The following SLCO1A2 variants were observed in gnomAD, a reference collection of about 807,000 sequenced individuals.
SLCO1A2 encodes the protein OATP-1.
In SLCO1A2, 67 loss-of-function variants were observed where a neutral mutation model predicts 69.0. The ratio of observed to expected loss-of-function variants is 0.97; its 90% confidence interval spans 0.80 to 1.19. SLCO1A2 has a LOEUF of 1.19. Ranked by LOEUF, SLCO1A2 falls within the 50% of genes most tolerant of loss-of-function variation. SLCO1A2 has a pLI of 0.00. For missense variants in SLCO1A2, 787 were observed against 793.7 expected (o/e 0.99, Z 0.10); for synonymous variants, 260 against 265.9 (o/e 0.98, Z 0.22).
rs1041871091 is a variant in SLCO1A2, at chr12:21,267,639, G to A, written c.*1909C>T. The A allele has an allele frequency of 6.6e-6, 1 of 151,924 alleles. No individual in the cohort carries two copies. Among genetic ancestry groups the A allele is most frequent in the African/African-American group, 2.4e-5 (1 of 41,352 alleles). The allele number at this position is 151,924 out of a possible 1,614,324, so 9.4% of individuals were successfully genotyped here. On this transcript the variant is annotated 3_prime_UTR_variant, in exon 15 of 15. Coordinates refer to ENST00000683939, the MANE Select transcript of SLCO1A2 (RefSeq NM_001386879.1). ...TCTAACTTCCATATATATCCTATTT[G>A]CTTCTTTTTAGCTCAGATTCCAGTT...
chr12:21,316,499 G>C (rs543286351), intron 3 of SLCO1A2, among the ~76,000 whole-genome samples: 1 of 150,758 alleles, frequency 6.6e-6, no homozygotes, highest in East Asian at 1.9e-4. Flanking sequence ...CCAGGGAATA[G>C]TTCTTCATCC....
intron 5 of SLCO1A2, 132 bp from the exon 6 acceptor site, chr12:21,304,705 C>G: frequency 3.6e-6 from 3 of 843,624 alleles, no homozygotes; most frequent in Non-Finnish European, 5.4e-6. Context: ...TATTACTATT[C>G]CAGCAGTGAC....
chr12:21,373,781 A>T, intron 2 of SLCO1A2: 1 of 672,520 alleles, frequency 1.5e-6, no homozygotes, highest in East Asian at 2.7e-5. Flanking sequence ...AACCAGAGAA[A>T]CTTAACTAAA....
At chr12:21,417,085 A>G (rs1942001096) in intron 1 of SLCO1A2, among the ~76,000 whole-genome samples, 1 of 152,142 alleles carries the variant, frequency 6.6e-6, no homozygotes, top group Admixed American at 6.5e-5. Context: ...TACTCAATGT[A>G]TTCTTTTTCA....
At chr12:21,376,267 T>C (rs1940185073) in intron 1 of SLCO1A2, 1 of 279,024 alleles carries the variant, frequency 3.6e-6, no homozygotes, top group Middle Eastern at 4.2e-4. Flanking sequence ...GGAACAGATA[T>C]TACCTTTGAA....
At chr12:21,381,001 C>A (rs1940553271) in intron 1 of SLCO1A2, among the ~76,000 whole-genome samples, 1 of 151,922 alleles carries the variant, frequency 6.6e-6, no homozygotes, top group East Asian at 1.9e-4. Flanking sequence ...AAGGTAGACT[C>A]CCAATAGGTA....
chr12:21,295,896 A>T, intron 9 of SLCO1A2, 104 bp from the exon 10 acceptor site: 1 of 629,956 alleles, frequency 1.6e-6, no homozygotes, highest in Admixed American at 3.3e-5. Context: ...ATTTAGGTCC[A>T]ACTCATAGTG....
At chr12:21,322,005 T>C (rs975063674) in intron 2 of SLCO1A2, among the ~76,000 whole-genome samples, 3 of 152,182 alleles carry the variant, frequency 2.0e-5, no homozygotes, top group African/African-American at 4.8e-5. Flanking sequence ...GCCTGACAAA[T>C]AGCAGGCACC....
At chr12:21,323,015 G>A (rs1381519135) in intron 2 of SLCO1A2, among the ~76,000 whole-genome samples, 1 of 152,112 alleles carries the variant, frequency 6.6e-6, no homozygotes, top group Non-Finnish European at 1.5e-5. Flanking sequence ...TATGGCCAAG[G>A]TACTTAGAGT....
At chr12:21,374,189 A>C (rs192566379) in intron 2 of SLCO1A2, among the ~76,000 whole-genome samples, 24 of 152,332 alleles carry the variant, frequency 1.6e-4, no homozygotes, top group Admixed American at 1.4e-3. Context: ...ACATCTAACA[A>C]CTATGTCACG....
intron 2 of SLCO1A2, among the ~76,000 whole-genome samples, chr12:21,367,744 A>T (rs190140036): frequency 2.9e-4 from 44 of 152,218 alleles, no homozygotes; most frequent in Admixed American, 6.5e-4. Flanking sequence ...AAGTACCGAG[A>T]CTACAAGACA....
At chr12:21,392,510 A>C (rs1941211852) in intron 1 of SLCO1A2, among the ~76,000 whole-genome samples, 1 of 152,234 alleles carries the variant, frequency 6.6e-6, no homozygotes, top group South Asian at 2.1e-4. Context: ...AGTCATGCTC[A>C]CTAGGCTTTA....
intron 8 of SLCO1A2, among the ~76,000 whole-genome samples, chr12:21,300,086 G>A (rs1948512992): frequency 6.8e-6 from 1 of 146,982 alleles, no homozygotes; most frequent in South Asian, 2.1e-4. Flanking sequence ...ATATATGAAA[G>A]AGAGAGAGAG....
intron 12 of SLCO1A2, among the ~76,000 whole-genome samples, chr12:21,281,926 T>C (rs555853105): frequency 6.6e-5 from 10 of 152,122 alleles, no homozygotes; most frequent in African/African-American, 1.4e-4. Context: ...AGTAATGAGA[T>C]TGAAGCTGTA....
intron 8 of SLCO1A2, among the ~76,000 whole-genome samples, chr12:21,298,764 T>C (rs1221897646): frequency 1.3e-5 from 2 of 152,122 alleles, no homozygotes; most frequent in Non-Finnish European, 2.9e-5. Flanking sequence ...ATGGAACTGA[T>C]CTTGCAGACT....
chr12:21,280,859 A>G (rs2136172241), intron 12 of SLCO1A2, among the ~76,000 whole-genome samples: 1 of 152,240 alleles, frequency 6.6e-6, no homozygotes, highest in South Asian at 2.1e-4. Flanking sequence ...CAAGTCTTAA[A>G]ACATCCAAAA....
At chr12:21,304,384 C>T (rs1949092667) in intron 6 of SLCO1A2, 43 bp downstream of exon 6, 1 of 1,478,720 alleles carries the variant, frequency 6.8e-7, no homozygotes, top group Non-Finnish European at 9.4e-7. Context: ...CCTCAAGGAA[C>T]ATATTGCCCT....
intron 12 of SLCO1A2, among the ~76,000 whole-genome samples, chr12:21,290,030 CGTGT>C (rs199940208): frequency 1.3e-5 from 2 of 151,020 alleles, no homozygotes; most frequent in African/African-American, 4.9e-5. Flanking sequence ...TGTATGTATG[CGTGT>C]GTGTATGTAT....
chr12:21,386,594 C>G (rs937750243), intron 1 of SLCO1A2, among the ~76,000 whole-genome samples: 1 of 152,112 alleles, frequency 6.6e-6, no homozygotes, highest in Admixed American at 6.5e-5. Flanking sequence ...TTCTCCTTCA[C>G]CTTCTGCCAT....
Sources: gnomAD v4.1 joint callset for allele counts (sites outside exome capture counted in the v4.1 genomes callset) on GRCh38, gnomAD v4.1.1 for gene constraint, MANE v1.5 for transcripts, NCBI Gene and HGNC (gene_info 2026-07-23, HGNC 2026-07-21) for gene names.